Variants in CCR6 observed in about 807,000 individuals in gnomAD.
CCR6 encodes C-C chemokine receptor type 6.
In CCR6, 2 loss-of-function variants were observed where a neutral mutation model predicts 3.0. That is an observed-to-expected ratio of 0.66 (90% CI 0.27 to 2.07). CCR6 has a LOEUF of 2.07. Ranked by LOEUF, CCR6 falls within the 30% of genes most tolerant of loss-of-function variation. The probability of loss-of-function intolerance (pLI) is 0.14; values close to 1 mark genes in which losing one functional copy is unlikely to be tolerated. For synonymous variants in CCR6, 193 were observed against 184.3 expected (o/e 1.05, Z -0.38); for missense variants, 322 against 462.8 (o/e 0.70, Z 2.79).
chr6:167,129,037 A>C (rs925319366), intron 1 of CCR6, among the ~76,000 whole-genome samples: 1 of 152,210 alleles, frequency 6.6e-6, no homozygotes, highest in Non-Finnish European at 1.5e-5. Flanking sequence ...GATCTAATGA[A>C]CTTGCCTCCT....
intron 1 of CCR6, among the ~76,000 whole-genome samples, chr6:167,114,057 G>C (rs538516154): frequency 6.6e-6 from 1 of 152,346 alleles, no homozygotes; most frequent in African/African-American, 2.4e-5. Flanking sequence ...TGACAGACAC[G>C]GCTCTGGGCT....
intron 1 of CCR6, among the ~76,000 whole-genome samples, chr6:167,124,587 G>A (rs1272374683): frequency 6.6e-6 from 1 of 152,164 alleles, no homozygotes; most frequent in Non-Finnish European, 1.5e-5. Context: ...ACTAAGACCT[G>A]CTGGTGGCAA....
intron 1 of CCR6, chr6:167,131,584 C>G (rs3093015): frequency 0.36 from 55,361 of 153,362 alleles, 10,440 homozygotes; most frequent in Admixed American, 0.44. Flanking sequence ...CCCTTGTTCT[C>G]CAGAGCCGCG....
chr6:167,130,363 T>C (rs549641626), intron 1 of CCR6, among the ~76,000 whole-genome samples: 59 of 151,992 alleles, frequency 3.9e-4, no homozygotes, highest in South Asian at 3.1e-3. Context: ...CAGAAATATC[T>C]ACTAAAAAAC....
chr6:167,117,496 A>G (rs1269805875), intron 1 of CCR6, among the ~76,000 whole-genome samples: 9 of 140,220 alleles, frequency 6.4e-5, no homozygotes, highest in African/African-American at 1.9e-4. Context: ...GACTCACTGC[A>G]AGCTCCGCCT....
chr6:167,125,678 C>T (rs1418772187), intron 1 of CCR6, among the ~76,000 whole-genome samples: 2 of 152,182 alleles, frequency 1.3e-5, no homozygotes, highest in African/African-American at 2.4e-5. Flanking sequence ...GTGAGGGCAG[C>T]CCCTCCCTCT....
intron 1 of CCR6, among the ~76,000 whole-genome samples, chr6:167,117,472 A>G (rs1346133568): frequency 7.9e-6 from 1 of 126,514 alleles, no homozygotes; most frequent in Non-Finnish European, 1.6e-5. Flanking sequence ...GCTGGAGCGC[A>G]GTGGCACGAT....
At chr6:167,115,605 A>C (rs561900518) in intron 1 of CCR6, 2 of 152,348 alleles carry the variant, frequency 1.3e-5, no homozygotes, top group African/African-American at 4.8e-5. Flanking sequence ...AGAAATTGTG[A>C]CTATGGCAGC....
At chr6:167,128,571 AT>A (rs1011931113) in intron 1 of CCR6, among the ~76,000 whole-genome samples, 2 of 152,010 alleles carry the variant, frequency 1.3e-5, no homozygotes, top group African/African-American at 4.8e-5. Context: ...TTATTTTTGT[AT>A]TTTTATTTTT....
chr6:167,132,214 G>A (rs1188771420), intron 1 of CCR6, among the ~76,000 whole-genome samples: 4 of 152,128 alleles, frequency 2.6e-5, no homozygotes, highest in African/African-American at 9.7e-5. Flanking sequence ...ACTTCAACTC[G>A]GGTATCTGCT....
intron 1 of CCR6, chr6:167,116,161 A>C (rs750931444): frequency 5.9e-5 from 9 of 152,264 alleles, no homozygotes; most frequent in Non-Finnish European, 1.2e-4. Context: ...CCAGGGTCCA[A>C]CTGCAAGAAG....
rs749648877 is a variant in CCR6, at chr6:167,137,249, A to C, written c.1019A>C (p.Lys340Thr). 1.9e-5 allele frequency: 30 copies of C among 1,614,214 alleles called. No individual in the cohort carries two copies. The East Asian group carries it at 6.7e-4, about 36-fold the overall frequency. The part of the protein sequence containing the change: ...ILKDLWCVRR[K>T]YKSSGFSCAG... ...AAGGACCTGTGGTGTGTGAGAAGGA[A>C]GTACAAGTCCTCAGGCTTCTCCTGT... The change falls in exon 3 of 3, where the codon AAG (lysine) becomes ACG (threonine). Residue 340 changes from lysine (K) to threonine (T), a missense_variant. By Grantham distance (78) the Lys-to-Thr change is moderately conservative. Coordinates refer to ENST00000341935, the MANE Select transcript of CCR6 (RefSeq NM_031409.4). This position sits in a 1 kb window ranked among gnomAD's most constrained non-coding sequence, Gnocchi z 4.6.
chr6:167,123,711 G>A (rs1781621929), intron 1 of CCR6, among the ~76,000 whole-genome samples: 1 of 152,188 alleles, frequency 6.6e-6, no homozygotes. Context: ...AATTGACAAG[G>A]TGGAAATTTC....
intron 1 of CCR6, among the ~76,000 whole-genome samples, chr6:167,125,722 A>C (rs1293020776): frequency 6.6e-6 from 1 of 152,128 alleles, no homozygotes; most frequent in East Asian, 1.9e-4. Context: ...AGAATGTATA[A>C]TTAGGTGTTC....
rs1240710800 is a variant in CCR6 at position 167,139,004 on chromosome 6, T to C, written c.*1649T>C. 1 of 152,248 alleles carries C rather than the reference T, an allele frequency of 6.6e-6. No individual in the cohort carries two copies. Among genetic ancestry groups the C allele is most frequent in the African/African-American group, 2.4e-5 (1 of 41,430 alleles). The allele number at this position is 152,248 out of a possible 1,614,324, so 9.4% of individuals were successfully genotyped here. A position where few individuals can be genotyped will look rare whatever the true frequency, so the allele number is the denominator to read the frequency against. ...ATGTTTAAACCTGACAATGGTGTTA[T>C]TTGAAACTTTATATTGTTCTTGTAA... On this transcript the variant is annotated 3_prime_UTR_variant, in exon 3 of 3. Transcript: ENST00000341935.
chr6:167,121,055 C>T (rs946379875), upstream of CCR6: 6 of 152,338 alleles, frequency 3.9e-5, no homozygotes, highest in Admixed American at 3.9e-4. Context: ...GGGAGCCAGT[C>T]AGCAGCAGGG....
rs1352849622 is a variant in CCR6, at chr6:167,137,695, TCA to T, written c.*343_*344del. ...GAAATATTCATGAAGCGGTCACAGA[TCA>T]CAGTGTCTTTTGGTTACAGCACAAA... On this transcript the variant is annotated 3_prime_UTR_variant, in exon 3 of 3. Transcript: ENST00000341935. This position sits in a 1 kb window ranked among gnomAD's most constrained non-coding sequence, Gnocchi z 4.6. 1 of 188,904 alleles carries T rather than the reference TCA, an allele frequency of 5.3e-6. No individual in the cohort carries two copies. The allele number at this position is 188,904 out of a possible 1,614,324, so 11.7% of individuals were successfully genotyped here. A position where few individuals can be genotyped will look rare whatever the true frequency, so the allele number is the denominator to read the frequency against.
At chr6:167,124,969 T>C (rs1351924160) in intron 1 of CCR6, among the ~76,000 whole-genome samples, 1 of 152,090 alleles carries the variant, frequency 6.6e-6, no homozygotes, top group East Asian at 1.9e-4. Flanking sequence ...CACATACACA[T>C]GTATACACAC....
At chr6:167,117,321 G>A (rs1781509875) in intron 1 of CCR6, among the ~76,000 whole-genome samples, 1 of 151,950 alleles carries the variant, frequency 6.6e-6, no homozygotes, top group Admixed American at 6.6e-5. Context: ...CTGGGCTGAG[G>A]GAATGGAAGG....
Sources: allele counts gnomAD v4.1 joint callset (sites outside exome capture counted in the v4.1 genomes callset), GRCh38; gene constraint gnomAD v4.1.1; non-coding constraint Gnocchi (gnomAD v3.1); transcripts MANE v1.5; gene names NCBI Gene and HGNC (gene_info 2026-07-23, HGNC 2026-07-21).